ZEB1: variants seen among roughly 807,000 people sequenced by gnomAD.
ZEB1 encodes the protein zinc finger E-box-binding homeobox 1.
A neutral mutation model predicts 84.9 loss-of-function variants in ZEB1; 21 were observed. The observed-to-expected ratio is 0.25, with a 90% CI of 0.18 to 0.36. The LOEUF (loss-of-function observed/expected upper bound fraction) is 0.36. ZEB1 is among the 10% of genes least tolerant of loss of function. ZEB1 has a pLI of 1.00. For synonymous variants in ZEB1, 420 were observed against 471.1 expected (o/e 0.89, Z 1.41); for missense variants, 1,104 against 1,330.2 (o/e 0.83, Z 2.65).
intron 1 of ZEB1, among the ~76,000 whole-genome samples, chr10:31,334,451 T>G (rs1486530684): frequency 6.6e-6 from 1 of 152,116 alleles, no homozygotes. Flanking sequence ...CGACAACTTA[T>G]GTATAGCTAA....
Position 31,521,817 on chromosome 10 carries a change from G to A in ZEB1, c.2485G>A (p.Ala829Thr), listed in dbSNP as rs752212757. ...CCAGAACAGTGTTCCATGCTTAAGA[G>A]CGCTAGCTGCCAATAAGCAAACGAT... ...ADQNSVPCLR[A>T]LAANKQTILI... The change falls in exon 7 of 9, where the codon GCG (alanine) becomes ACG (threonine). Residue 829 changes from alanine to threonine, a missense_variant. By Grantham distance (58) the Ala-to-Thr change is moderately conservative. Around this residue, in one of 7 missense-constraint regions of ZEB1, gnomAD observed 531 missense variants for 575.2 expected, o/e 0.92. Coordinates refer to ENST00000424869, the MANE Select transcript of ZEB1 (RefSeq NM_001174096.2). The A allele has an allele frequency of 1.5e-5, 24 of 1,613,704 alleles. 1 individual carries two copies. In the South Asian group the frequency reaches 2.6e-4, roughly 18 times the overall value.
At chr10:31,402,079 A>G (rs1043762760) in intron 1 of ZEB1, among the ~76,000 whole-genome samples, 1 of 151,922 alleles carries the variant, frequency 6.6e-6, no homozygotes, top group African/African-American at 2.4e-5. Flanking sequence ...GAAGGCAACC[A>G]AAAGTCAGTA....
At chr10:31,464,074 T>C (rs1207615893) in intron 2 of ZEB1, among the ~76,000 whole-genome samples, 1 of 151,994 alleles carries the variant, frequency 6.6e-6, no homozygotes, top group African/African-American at 2.4e-5. Flanking sequence ...GAACTAAAAA[T>C]AAAAAATTGA....
chr10:31,521,857 T>G lies in ZEB1; in HGVS notation c.2525T>G (p.Val842Gly). 6.2e-7 allele frequency: 1 copy of G among 1,613,926 alleles called. No individual in the cohort carries two copies. The highest frequency in any genetic ancestry group is 8.5e-7 in the Non-Finnish European group (1 of 1,179,932). Residue 842 changes from valine to glycine, a missense_variant, in exon 7 of 9, where the codon GTG (valine) becomes GGG (glycine). Physicochemically the swap from Val to Gly is moderately radical, Grantham distance 109 (BLOSUM62 -3). Coordinates refer to ENST00000424869, the MANE Select transcript of ZEB1 (RefSeq NM_001174096.2). ...AAGCAAACGATTCTGATTCCCCAGG[T>G]GGCATACACCTACTCAACTACGGTC... ...ANKQTILIPQ[V>G]AYTYSTTVSP...
chr10:31,447,164 T>C (rs1394965040), intron 1 of ZEB1, among the ~76,000 whole-genome samples: 1 of 152,052 alleles, frequency 6.6e-6, no homozygotes, highest in African/African-American at 2.4e-5. Context: ...TTTACCATTA[T>C]GTAATGGCCT....
intron 1 of ZEB1, among the ~76,000 whole-genome samples, chr10:31,364,369 C>T (rs1474130724): frequency 2.0e-5 from 3 of 152,200 alleles, no homozygotes; most frequent in East Asian, 1.9e-4. Flanking sequence ...GAGGCTGATC[C>T]GCCAGAGCCC....
intron 1 of ZEB1, among the ~76,000 whole-genome samples, chr10:31,449,653 G>C (rs2060292485): frequency 6.6e-6 from 1 of 152,028 alleles, no homozygotes; most frequent in African/African-American, 2.4e-5. Context: ...TCCATTGATT[G>C]CCCATCCCTG....
At chr10:31,524,762 G>A (rs1440957059) in intron 8 of ZEB1, among the ~76,000 whole-genome samples, 3 of 148,266 alleles carry the variant, frequency 2.0e-5, no homozygotes, top group Non-Finnish European at 2.9e-5. Flanking sequence ...AGACCAGTGG[G>A]CTAAAGTCAT....
intron 1 of ZEB1, among the ~76,000 whole-genome samples, chr10:31,390,112 ATAAC>A (rs966492234): frequency 6.6e-6 from 1 of 152,224 alleles, no homozygotes; most frequent in Non-Finnish European, 1.5e-5. Flanking sequence ...TTTCAAGTAA[ATAAC>A]AAATAATGGT....
intron 1 of ZEB1, among the ~76,000 whole-genome samples, chr10:31,388,652 A>C (rs1265594678): frequency 6.6e-6 from 1 of 152,090 alleles, no homozygotes; most frequent in Non-Finnish European, 1.5e-5. Context: ...AATCTTCAAA[A>C]CAGATATCAT....
chr10:31,330,439 G>A (rs2036500833), intron 1 of ZEB1, among the ~76,000 whole-genome samples: 1 of 152,190 alleles, frequency 6.6e-6, no homozygotes. Flanking sequence ...CAGTTTCAGA[G>A]AAAGATGCCT....
intron 2 of ZEB1, among the ~76,000 whole-genome samples, chr10:31,487,079 G>C (rs565997693): frequency 5.9e-4 from 89 of 151,188 alleles, no homozygotes; most frequent in Non-Finnish European, 1.0e-3. Context: ...TATTTATGTG[G>C]GTCAGTTTCT....
At chr10:31,452,103 T>A (rs1048285684) in intron 1 of ZEB1, among the ~76,000 whole-genome samples, 3 of 152,012 alleles carry the variant, frequency 2.0e-5, no homozygotes, top group Non-Finnish European at 2.9e-5. Context: ...TTTGAAAATA[T>A]AAAAAGAGTT....
intron 1 of ZEB1, among the ~76,000 whole-genome samples, chr10:31,404,645 T>C (rs1165158190): frequency 6.6e-6 from 1 of 152,224 alleles, no homozygotes; most frequent in Non-Finnish European, 1.5e-5. Flanking sequence ...AAGATTAGGT[T>C]ACAATTAAAA....
At chr10:31,378,406 TGA>T (rs2047060341) in intron 1 of ZEB1, among the ~76,000 whole-genome samples, 1 of 151,700 alleles carries the variant, frequency 6.6e-6, no homozygotes, top group South Asian at 2.1e-4. Context: ...AGATAAAAAA[TGA>T]GAGTTAAAAT....
At chr10:31,344,302 A>G (rs1164928072) in intron 1 of ZEB1, among the ~76,000 whole-genome samples, 1 of 152,134 alleles carries the variant, frequency 6.6e-6, no homozygotes, top group Non-Finnish European at 1.5e-5. Flanking sequence ...TCATGGATAT[A>G]TGTAGTATAT....
chr10:31,483,141 G>T (rs536834431), intron 2 of ZEB1, among the ~76,000 whole-genome samples: 1 of 151,992 alleles, frequency 6.6e-6, no homozygotes, highest in Non-Finnish European at 1.5e-5. Flanking sequence ...GACTGGGAAG[G>T]CTGGACACAA....
chr10:31,347,966 G>C (rs1170106991), intron 1 of ZEB1, among the ~76,000 whole-genome samples: 1 of 152,150 alleles, frequency 6.6e-6, no homozygotes, highest in African/African-American at 2.4e-5. Flanking sequence ...AGCAACAGAT[G>C]GTGTCTGGAA....
At chr10:31,517,333 A>G (rs536454965) in intron 6 of ZEB1, among the ~76,000 whole-genome samples, 4 of 152,182 alleles carry the variant, frequency 2.6e-5, no homozygotes, top group Non-Finnish European at 5.9e-5. Context: ...ACCTGTAGGA[A>G]TTGAGCTATC....
Sources: gnomAD v4.1 joint callset for allele counts (sites outside exome capture counted in the v4.1 genomes callset) on GRCh38, gnomAD v4.1.1 for gene constraint, gnomAD v4.1.1 regional missense constraint, MANE v1.5 for transcripts, NCBI Gene and HGNC (gene_info 2026-07-23, HGNC 2026-07-21) for gene names.